PCNX3: variants seen among roughly 807,000 people sequenced by gnomAD.
The protein encoded by PCNX3 is pecanex 3.
In PCNX3, 58 loss-of-function variants were observed where a neutral mutation model predicts 207.2. The ratio of observed to expected loss-of-function variants is 0.28; its 90% confidence interval spans 0.23 to 0.35. PCNX3 has a LOEUF of 0.35. PCNX3 is among the 10% of genes least tolerant of loss of function. The probability of loss-of-function intolerance (pLI) is 1.00; values close to 1 mark genes in which losing one functional copy is unlikely to be tolerated. For missense variants in PCNX3, 2,410 were observed against 2,774.4 expected, an observed-to-expected ratio of 0.87 and a Z score of 2.95; for synonymous variants, 1,337 against 1,183.5, an observed-to-expected ratio of 1.13 and a Z score of -2.66.
rs1855499571 is a variant in PCNX3, at chr11:65,628,717, G to C, written c.3811+14G>C. 3 of 1,477,328 alleles carry C rather than the reference G, an allele frequency of 2.0e-6. No homozygotes were observed. The African/African-American group carries it at 4.5e-5, about 22-fold the overall frequency. 91.5% of individuals were successfully genotyped at this position (1,477,328 alleles called of 1,614,324 possible). A position where few individuals can be genotyped will look rare whatever the true frequency, so the allele number is the denominator to read the frequency against. ...TTGCCGTGCCACGTATCCAGCCTGT[G>C]TTTGGGTGGGGGTGTGCAGGGAGGG... On this transcript the variant is annotated intron_variant, in intron 23 of 34. Transcript: ENST00000355703.
At position 65,629,367 on chromosome 11, in the gene PCNX3, G is replaced by A. The variant is rs1313292656; in HGVS notation, c.3952G>A (p.Val1318Met). 1.2e-6 allele frequency: 2 copies of A among 1,611,250 alleles called. No homozygotes were observed. Among genetic ancestry groups the A allele is most frequent in the Non-Finnish European group, 1.7e-6 (2 of 1,178,618 alleles). Residue 1318 changes from valine to methionine, a missense_variant, in exon 25 of 35, where the codon GTG (valine) becomes ATG (methionine). Around this residue, in one of 8 missense-constraint regions of PCNX3, gnomAD observed 420 missense variants for 705.3 expected, o/e 0.60. Coordinates refer to ENST00000355703, the MANE Select transcript of PCNX3 (RefSeq NM_032223.4). The part of the protein sequence containing the change: ...FWERDYNTKR[V>M]DHSNTRLVTQ... ...ACTCTCTCTGAACAGCACTAAACGT[G>A]TGGATCATTCCAACACCCGCCTGGT...
In PCNX3 at chr11:65,636,387, A is replaced by G. The variant is rs201933055; in HGVS notation, c.5594-4A>G. ...GCCTCTGCTGTCTTATCTGTCTCCT[A>G]CAGGCAATGGTGACCAACCCCTCCC... On this transcript the variant is annotated splice_polypyrimidine_tract_variant and splice_region_variant and intron_variant, in intron 33 of 34. Coordinates refer to ENST00000355703, the MANE Select transcript of PCNX3 (RefSeq NM_032223.4). The G allele has an allele frequency of 1.6e-4, 254 of 1,570,444 alleles. 1 individual carries two copies. Among genetic ancestry groups the G allele is most frequent in the Non-Finnish European group, 2.2e-4 (249 of 1,157,916 alleles).
chr11:65,628,484 C>T (rs1449797755), intron 22 of PCNX3, 111 bp from the exon 23 acceptor site: 2 of 1,029,822 alleles, frequency 1.9e-6, no homozygotes, highest in African/African-American at 3.2e-5. Context: ...AGTTTGGCCC[C>T]CGTGGGCCAA....
At position 65,636,642 on chromosome 11, in the gene PCNX3, G is replaced by T; in HGVS notation, c.5845G>T (p.Gly1949Trp). The part of the protein sequence containing the change: ...GGRKGLGGSD[G>W]EPASGSPKGG... ...CCGGAAGGGGCTGGGAGGATCTGAC[G>T]GGGAGCCAGCCTCAGGGAGCCCCAA... Residue 1949 changes from glycine to tryptophan, a missense_variant, in exon 34 of 35, where the codon GGG (glycine) becomes TGG (tryptophan). By Grantham distance (184) the Gly-to-Trp change is radical (BLOSUM62 -2). This residue lies in a region of PCNX3 where 278 missense variants were observed against 245.1 expected (regional missense o/e 1.13). Coordinates refer to ENST00000355703, the MANE Select transcript of PCNX3 (RefSeq NM_032223.4). 1 of 1,585,610 alleles carries T rather than the reference G, an allele frequency of 6.3e-7. No individual in the cohort carries two copies. The highest frequency in any genetic ancestry group is 1.4e-5 in the African/African-American group (1 of 73,908).
rs565322989 is a variant in PCNX3 at position 65,636,989 on chromosome 11, G to A, written c.*11G>A. On this transcript the variant is annotated 3_prime_UTR_variant, in exon 35 of 35. Coordinates refer to ENST00000355703, the MANE Select transcript of PCNX3 (RefSeq NM_032223.4). ...GAACACCAGTACTGAGCTACCTGGC[G>A]CCCACTGGACCACCTCCTAGGATTC... The A allele has an allele frequency of 8.3e-6, 13 of 1,561,224 alleles. No individual in the cohort carries two copies. The highest frequency in any genetic ancestry group is 4.1e-5 in the African/African-American group (3 of 73,810).
Position 65,626,231 on chromosome 11 carries a change from G to T in PCNX3, c.3379+177G>T. ...GTGTTGCCCGGCTGCGCTCTCCACC[G>T]ACTCTTCTCCTCGTGCCCTGCTGTG... is the stretch of plus-strand genomic sequence containing the variant. On this transcript the variant is annotated intron_variant, in intron 20 of 34. Coordinates refer to ENST00000355703, the MANE Select transcript of PCNX3 (RefSeq NM_032223.4). 3 of 902,840 alleles carry T rather than the reference G, an allele frequency of 3.3e-6. 1 individual carries two copies. Among genetic ancestry groups the T allele is most frequent in the South Asian group, 2.8e-5 (2 of 70,824 alleles). The allele number at this position is 902,840 out of a possible 1,614,324, so 55.9% of individuals were successfully genotyped here. A position where few individuals can be genotyped will look rare whatever the true frequency, so the allele number is the denominator to read the frequency against.
At chr11:65,623,817 G>A (rs1855236750) in intron 12 of PCNX3, 112 bp from the exon 13 acceptor site, 3 of 1,556,684 alleles carry the variant, frequency 1.9e-6, no homozygotes, top group Admixed American at 1.7e-5. Flanking sequence ...ACAGTTCGGG[G>A]GCCTGACCTG....
rs1418678638 is a variant in PCNX3 at position 65,618,527 on chromosome 11, C to T, written c.1165C>T (p.Leu389=). 6.2e-7 allele frequency: 1 copy of T among 1,611,202 alleles called. No individual in the cohort carries two copies. Among genetic ancestry groups the T allele is most frequent in the Non-Finnish European group, 8.5e-7 (1 of 1,179,110 alleles). Residue 389 remains leucine (L), a synonymous_variant, in exon 6 of 35, where the codon CTA becomes TTA. Coordinates refer to ENST00000355703, the MANE Select transcript of PCNX3 (RefSeq NM_032223.4). ...LVVRPKDLAL[L]RPSKRQPPLR... ...CGTGCGGCCCAAGGACTTGGCCCTG[C>T]TACGGCCTAGCAAACGGCAGCCACC...
intron 2 of PCNX3, 107 bp from the exon 3 acceptor site, chr11:65,617,143 T>C: frequency 7.2e-7 from 1 of 1,397,216 alleles, no homozygotes; most frequent in Non-Finnish European, 9.8e-7. Flanking sequence ...GTGTTAGCCC[T>C]GGAATTGTAA....
intron 6 of PCNX3, 84 bp from the exon 7 acceptor site, chr11:65,619,453 C>T (rs1854952880): frequency 6.5e-7 from 1 of 1,545,550 alleles, no homozygotes; most frequent in African/African-American, 1.4e-5. Flanking sequence ...CTTTAGCTCC[C>T]TGGCGGAACA....
At position 65,624,668 on chromosome 11, in the gene PCNX3, G is replaced by A. The variant is rs146117971; in HGVS notation, c.2827+87G>A. 5.2e-4 allele frequency: 659 copies of A among 1,260,716 alleles called. 3 individuals are homozygous for A. In the African/African-American group the frequency reaches 9.1e-3, roughly 17 times the overall value. 78.1% of individuals were successfully genotyped at this position (1,260,716 alleles called of 1,614,324 possible). A position where few individuals can be genotyped will look rare whatever the true frequency, so the allele number is the denominator to read the frequency against. On this transcript the variant is annotated intron_variant, in intron 15 of 34. Transcript: ENST00000355703. ...ATTGGGTCCTTGGCTCCACCCTTGC[G>A]GAACCTTCTCCTGCGTCTGTACTGC...
intron 32 of PCNX3, 60 bp from the exon 33 acceptor site, chr11:65,636,114 G>T: frequency 1.3e-6 from 2 of 1,551,126 alleles, no homozygotes; most frequent in South Asian, 2.4e-5. Context: ...ACTCATGCTT[G>T]TGAGGCCTCT....
rs781457809 is a variant in PCNX3 at position 65,617,537 on chromosome 11, C to T, written c.481+28C>T. ...AGGTGGCTGCTCTTCAGGGTTGGAG[C>T]ATAGTGCTGTGGAACAGGGGCTGGC... is the stretch of plus-strand genomic sequence containing the variant. On this transcript the variant is annotated intron_variant, in intron 4 of 34. Coordinates refer to ENST00000355703, the MANE Select transcript of PCNX3 (RefSeq NM_032223.4). 5 of 1,613,938 alleles carry T rather than the reference C, an allele frequency of 3.1e-6. 1 individual carries two copies. In the South Asian group the frequency reaches 4.4e-5, roughly 14 times the overall value.
rs751118692 is a variant in PCNX3 at position 65,625,048 on chromosome 11, G to A, written c.2919+32G>A. On this transcript the variant is annotated intron_variant, in intron 16 of 34. Transcript: ENST00000355703. The surrounding 1 kb of genome is among the most constrained non-coding windows in gnomAD (Gnocchi z 5.6). ...GTGGCTTGCGAGGTGGGGGCATGCT[G>A]CAGTGCGTAAGGGTGGTTGGGGCGG... 151 of 1,597,582 alleles carry A rather than the reference G, an allele frequency of 9.5e-5. No homozygotes were observed. Among genetic ancestry groups the A allele is most frequent in the Non-Finnish European group, 1.2e-4 (137 of 1,168,788 alleles).
intron 21 of PCNX3, 150 bp from the exon 22 acceptor site, chr11:65,627,255 C>T (rs973673408): frequency 3.5e-6 from 4 of 1,137,500 alleles, no homozygotes; most frequent in South Asian, 3.3e-5. Context: ...AGAGCAGAGA[C>T]TAAGAGTCAC....
At position 65,629,563 on chromosome 11, in the gene PCNX3, G is replaced by T; in HGVS notation, c.4044G>T (p.Leu1348Phe). Residue 1348 changes from leucine (L) to phenylalanine (F), a missense_variant, in exon 26 of 35, where the codon TTG (leucine) becomes TTT (phenylalanine). Leu to Phe is a conservative substitution (Grantham distance 22). This residue lies in a region of PCNX3 where 420 missense variants were observed against 705.3 expected (regional missense o/e 0.60). Transcript: ENST00000355703. Reference protein sequence around the residue: ...NNLNSIFYEHLTRSLQHTLCG... With the variant: ...NNLNSIFYEHFTRSLQHTLCG... ...TCAACTCCATCTTCTATGAGCACTTGACACGTTCGCTGCAGCACACACTGT... is the reference window on the plus strand; with the variant it reads ...TCAACTCCATCTTCTATGAGCACTTTACACGTTCGCTGCAGCACACACTGT... The T allele has an allele frequency of 6.2e-7, 1 of 1,613,668 alleles. No homozygotes were observed. The highest frequency in any genetic ancestry group is 1.1e-5 in the South Asian group (1 of 91,034).
chr11:65,619,378 G>A (rs1854946345), intron 6 of PCNX3, 159 bp from the exon 7 acceptor site: 2 of 938,406 alleles, frequency 2.1e-6, no homozygotes, highest in African/African-American at 3.6e-5. Context: ...TTGCAAGTAA[G>A]GAAACTGAGC....
rs750298646 is a variant in PCNX3 at position 65,635,243 on chromosome 11, A to G, written c.4979A>G (p.Tyr1660Cys). 7 of 1,586,264 alleles carry G rather than the reference A, an allele frequency of 4.4e-6. No individual in the cohort carries two copies. Among genetic ancestry groups the G allele is most frequent in the Middle Eastern group, 1.7e-4 (1 of 6,034 alleles). Residue 1660 changes from tyrosine to cysteine, a missense_variant, in exon 31 of 35, where the codon TAT becomes TGT. Tyr to Cys is a radical substitution (Grantham distance 194). This residue lies in a region of PCNX3 where 420 missense variants were observed against 705.3 expected (regional missense o/e 0.60). Transcript: ENST00000355703. This position sits in a 1 kb window ranked among gnomAD's most constrained non-coding sequence, Gnocchi z 9.9. The stretch of plus-strand genomic sequence containing the variant: ...GACCACTTCACGTCCCCAGATGAAT[A>G]TGAGGAGCCAGCAGCCCTATACGAT... Reference protein sequence around the residue: ...HQDHFTSPDEYEEPAALYDAI... With the variant: ...HQDHFTSPDECEEPAALYDAI...
rs934146049 is a variant in PCNX3, at chr11:65,635,910, C to T, written c.5459+107C>T. On this transcript the variant is annotated intron_variant, in intron 32 of 34. Transcript: ENST00000355703. The surrounding 1 kb of genome is among the most constrained non-coding windows in gnomAD (Gnocchi z 9.9). ...CGTGCTGGAGCCAGGGCTTGAATCC[C>T]GAGAGATGACCCCCTCCCAGAGCTG... is the stretch of plus-strand genomic sequence containing the variant. 4.4e-5 allele frequency: 63 copies of T among 1,417,102 alleles called. No homozygotes were observed. The highest frequency in any genetic ancestry group is 5.1e-5 in the Non-Finnish European group (54 of 1,067,146). The allele number at this position is 1,417,102 out of a possible 1,614,324, so 87.8% of individuals were successfully genotyped here.
Sources: gnomAD v4.1 joint callset for allele counts on GRCh38, gnomAD v4.1.1 for gene constraint, gnomAD v4.1.1 regional missense constraint, Gnocchi (gnomAD v3.1) non-coding constraint, MANE v1.5 for transcripts, NCBI Gene and HGNC (gene_info 2026-07-23, HGNC 2026-07-21) for gene names.